Variants in SLC24A2 observed in about 807,000 individuals in gnomAD.
The protein encoded by SLC24A2 is solute carrier family 24 member 2.
SLC24A2 carries 36 observed loss-of-function variants against 62.0 expected under a neutral mutation model. That is an observed-to-expected ratio of 0.58 (90% CI 0.44 to 0.77). The LOEUF is 0.77. Among genes scored for constraint, SLC24A2 ranks in the 30% least tolerant of loss-of-function variants. The pLI, the probability that SLC24A2 is intolerant of heterozygous loss-of-function variation, is 0.00. For missense variants in SLC24A2, 846 were observed against 817.9 expected (o/e 1.03, Z -0.42); for synonymous variants, 358 against 294.0 (o/e 1.22, Z -2.23).
chr9:19,860,307 G>T, the SLC24A2 span, among the ~76,000 whole-genome samples: 1 of 152,078 alleles, frequency 6.6e-6, no homozygotes, highest in Non-Finnish European at 1.5e-5. Context: ...CTTTTTCCAG[G>T]CCCTATCTCC....
chr9:19,656,880 C>T (rs1164607924), intron 2 of SLC24A2, among the ~76,000 whole-genome samples: 2 of 152,200 alleles, frequency 1.3e-5, no homozygotes, highest in Non-Finnish European at 2.9e-5. Flanking sequence ...TGGAGCTGAA[C>T]CCCTTCCATT....
chr9:20,103,445 C>A, the SLC24A2 span, among the ~76,000 whole-genome samples: 1 of 152,142 alleles, frequency 6.6e-6, no homozygotes, highest in South Asian at 2.1e-4. Context: ...TGGGAGGCAC[C>A]CCCCAGCAGG....
At chr9:19,909,388 G>A in the SLC24A2 span, among the ~76,000 whole-genome samples, 2 of 151,970 alleles carry the variant, frequency 1.3e-5, no homozygotes, top group East Asian at 1.9e-4. Flanking sequence ...TGTAAATGAC[G>A]AGTTAATGGG....
At chr9:20,297,827 C>T in the SLC24A2 span, among the ~76,000 whole-genome samples, 1 of 152,256 alleles carries the variant, frequency 6.6e-6, no homozygotes, top group Non-Finnish European at 1.5e-5. Context: ...ACGGAACATC[C>T]TTTGCTCACA....
chr9:20,051,657 C>CTTTT, the SLC24A2 span, among the ~76,000 whole-genome samples: 177 of 73,494 alleles, frequency 2.4e-3, 7 homozygotes, highest in African/African-American at 9.5e-3. Flanking sequence ...TTTTCTTTCT[C>CTTTT]TTTTTTTTTT....
chr9:19,597,201 A>G (rs770416264), intron 5 of SLC24A2, 28 bp downstream of exon 5: 3 of 1,478,032 alleles, frequency 2.0e-6, no homozygotes, highest in South Asian at 1.1e-5. Context: ...AAAAAAGCCA[A>G]TGCATACAAT....
chr9:19,601,648 TA>T (rs1836844037), intron 4 of SLC24A2, among the ~76,000 whole-genome samples: 1 of 13,980 alleles, frequency 7.2e-5, no homozygotes, highest in Non-Finnish European at 1.1e-4. Context: ...ACTGTTAGAA[TA>T]TTTTTTTTTT....
chr9:19,527,306 T>C (rs549377626), intron 9 of SLC24A2, among the ~76,000 whole-genome samples: 2 of 152,194 alleles, frequency 1.3e-5, no homozygotes, highest in Non-Finnish European at 2.9e-5. Flanking sequence ...TATGTGATTT[T>C]GGGTAATCTT....
chr9:19,922,764 G>A, the SLC24A2 span, among the ~76,000 whole-genome samples: 1 of 152,128 alleles, frequency 6.6e-6, no homozygotes, highest in Non-Finnish European at 1.5e-5. Context: ...ATTCCTAGAG[G>A]CTCCTTGAGA....
chr9:20,275,398 T>G, the SLC24A2 span, among the ~76,000 whole-genome samples: 1 of 152,340 alleles, frequency 6.6e-6, no homozygotes, highest in South Asian at 2.1e-4. Flanking sequence ...TCTATTTTTT[T>G]GTGAAAATGT....
the SLC24A2 span, among the ~76,000 whole-genome samples, chr9:20,147,264 G>C: frequency 6.6e-6 from 1 of 152,122 alleles, no homozygotes; most frequent in Admixed American, 6.6e-5. Flanking sequence ...CGGAGGCCCA[G>C]TCCTCTGAGA....
intron 4 of SLC24A2, among the ~76,000 whole-genome samples, chr9:19,610,459 C>G (rs1028963742): frequency 1.3e-5 from 2 of 151,870 alleles, no homozygotes; most frequent in African/African-American, 4.8e-5. Context: ...AAGGAAAGAA[C>G]AGTGTATTAA....
chr9:20,094,751 G>C, the SLC24A2 span, among the ~76,000 whole-genome samples: 1 of 152,084 alleles, frequency 6.6e-6, no homozygotes, highest in Non-Finnish European at 1.5e-5. Context: ...TCAATGTTTG[G>C]AAGATCTTAA....
chr9:20,189,779 G>C, the SLC24A2 span, among the ~76,000 whole-genome samples: 3 of 151,754 alleles, frequency 2.0e-5, no homozygotes, highest in Non-Finnish European at 4.4e-5. Context: ...CATTACTTTA[G>C]CTACGGATTT....
At chr9:19,743,832 G>A (rs1016104509) in intron 2 of SLC24A2, among the ~76,000 whole-genome samples, 5 of 152,130 alleles carry the variant, frequency 3.3e-5, no homozygotes, top group Non-Finnish European at 7.4e-5. Flanking sequence ...ACAGAAGGAT[G>A]GATCAACAGT....
Position 19,773,130 on chromosome 9 carries a change from T to C in SLC24A2, c.930+12807A>G, listed in dbSNP as rs144468712. On this transcript the variant is annotated intron_variant, in intron 2 of 10. Transcript: ENST00000341998. ...AATAGGCAAATCTATACTGACAAAG[T>C]AGATTAGTGGCTACTGGGGGCTGGG... Among the ~76,000 whole-genome samples, 987 of 152,256 alleles carry C rather than the reference T, an allele frequency of 6.5e-3. 5 individuals are homozygous for C. The highest frequency in any genetic ancestry group is 0.011 in the Non-Finnish European group (749 of 68,002).
chr9:19,792,470 C>A (rs935972306), upstream of SLC24A2, among the ~76,000 whole-genome samples: 2 of 145,814 alleles, frequency 1.4e-5, no homozygotes, highest in Admixed American at 1.4e-4. Flanking sequence ...TGAGGTGGAT[C>A]ACCTGAGGTC....
chr9:19,865,265 A>T, the SLC24A2 span, among the ~76,000 whole-genome samples: 23 of 152,168 alleles, frequency 1.5e-4, no homozygotes, highest in Non-Finnish European at 3.1e-4. Context: ...TATCCAAAGT[A>T]ATCTACAGAT....
At chr9:20,034,628 G>A in the SLC24A2 span, among the ~76,000 whole-genome samples, 2 of 151,890 alleles carry the variant, frequency 1.3e-5, no homozygotes, top group Non-Finnish European at 1.5e-5. Context: ...CACTATGCCC[G>A]GCTAATTTTT....
Sources: gnomAD v4.1 joint callset for allele counts (sites outside exome capture counted in the v4.1 genomes callset) on GRCh38, gnomAD v4.1.1 for gene constraint, MANE v1.5 for transcripts, NCBI Gene and HGNC (gene_info 2026-07-23, HGNC 2026-07-21) for gene names.